Variants in NWD2 observed in about 807,000 individuals in gnomAD.
NWD2 encodes NACHT and WD repeat domain containing 2.
Under a neutral mutation model 132.7 loss-of-function variants are expected in NWD2, and 37 were observed. That is an observed-to-expected ratio of 0.28 (90% confidence interval 0.21 to 0.37). NWD2 has a LOEUF of 0.37. NWD2 is among the 10% of genes least tolerant of loss of function. The pLI is 1.00. For synonymous variants in NWD2, 705 were observed against 803.0 expected (o/e 0.88, Z 2.06); for missense variants, 1,592 against 2,122.4 (o/e 0.75, Z 4.91).
At chr4:37,434,080 C>T (rs1042242686) in intron 5 of NWD2, 60 bp downstream of exon 5, 8 of 1,144,966 alleles carry the variant, frequency 7.0e-6, no homozygotes, top group East Asian at 5.3e-5. Flanking sequence ...ACATCTACTG[C>T]TTCCCTTTAA....
At chr4:37,421,797 G>T (rs1486579164) in intron 3 of NWD2, among the ~76,000 whole-genome samples, 3 of 152,142 alleles carry the variant, frequency 2.0e-5, no homozygotes, top group Non-Finnish European at 4.4e-5. Flanking sequence ...GTATTAGTCA[G>T]TTCAGGCCAC....
chr4:37,249,777 A>G (rs1432018836), intron 1 of NWD2, among the ~76,000 whole-genome samples: 1 of 152,192 alleles, frequency 6.6e-6, no homozygotes, highest in Admixed American at 6.5e-5. Flanking sequence ...TCTTGTCCAC[A>G]GTGTTGATCA....
At chr4:37,255,318 G>A (rs1224141904) in intron 1 of NWD2, among the ~76,000 whole-genome samples, 25 of 152,204 alleles carry the variant, frequency 1.6e-4, no homozygotes. Flanking sequence ...AAAAGGGAAA[G>A]ACTGAGAAGG....
chr4:37,435,591 T>C (rs1291819397), intron 5 of NWD2, among the ~76,000 whole-genome samples: 1 of 152,150 alleles, frequency 6.6e-6, no homozygotes, highest in Non-Finnish European at 1.5e-5. Context: ...AAAAAGTACC[T>C]GGAGTGAAGC....
chr4:37,339,560 T>A (rs997020504), intron 2 of NWD2, among the ~76,000 whole-genome samples: 3 of 152,210 alleles, frequency 2.0e-5, no homozygotes, highest in Non-Finnish European at 2.9e-5. Flanking sequence ...AGAGGATTGA[T>A]CTTGCAATAA....
chr4:37,360,469 C>T (rs1390447694), intron 3 of NWD2, among the ~76,000 whole-genome samples: 1 of 152,068 alleles, frequency 6.6e-6, no homozygotes, highest in African/African-American at 2.4e-5. Flanking sequence ...GCATATGGTA[C>T]ATATATATTT....
At chr4:37,335,039 C>T (rs1273514641) in intron 2 of NWD2, among the ~76,000 whole-genome samples, 1 of 151,998 alleles carries the variant, frequency 6.6e-6, no homozygotes, top group Non-Finnish European at 1.5e-5. Flanking sequence ...TCTACTTTAC[C>T]CAGCTGGTTC....
rs376170691 is a variant in NWD2 at position 37,323,273 on chromosome 4, A to G, written c.152-2663A>G. ...ACAGAGTAAACAGACAACCTACCGA[A>G]TGGAAGAAAATATTCACAAACTATG... On this transcript the variant is annotated intron_variant, in intron 1 of 6. Coordinates refer to ENST00000309447, the MANE Select transcript of NWD2 (RefSeq NM_001144990.2). Among the ~76,000 whole-genome samples, 288 of 152,338 alleles carry G rather than the reference A, an allele frequency of 1.9e-3. 1 individual carries two copies. Among genetic ancestry groups the G allele is most frequent in the African/African-American group, 6.5e-3 (271 of 41,580 alleles).
intron 3 of NWD2, among the ~76,000 whole-genome samples, chr4:37,389,931 C>CA (rs1215182145): frequency 1.3e-5 from 2 of 152,142 alleles, no homozygotes; most frequent in Non-Finnish European, 2.9e-5. Flanking sequence ...CAGTCCCCAC[C>CA]ACCATGCCTG....
In NWD2 at chr4:37,447,418, A is replaced by G; in HGVS notation, c.*201A>G. The G allele has an allele frequency of 3.4e-6, 2 of 581,070 alleles. No homozygotes were observed. Among genetic ancestry groups the G allele is most frequent in the South Asian group, 4.5e-5 (2 of 44,814 alleles). 36.0% of individuals were successfully genotyped at this position (581,070 alleles called of 1,614,324 possible). On this transcript the variant is annotated 3_prime_UTR_variant, in exon 7 of 7. Transcript: ENST00000309447. ...GTCAAAGTGTATCCAGAATGTCAGA[A>G]TTTCTAGTAGTAATATTTAAATGGT...
At chr4:37,401,950 C>G (rs1018199507) in intron 3 of NWD2, among the ~76,000 whole-genome samples, 13 of 152,182 alleles carry the variant, frequency 8.5e-5, no homozygotes, top group Admixed American at 7.9e-4. Context: ...CAAATTCATG[C>G]TGAAATTCAA....
chr4:37,331,594 G>T (rs997443723), intron 2 of NWD2, among the ~76,000 whole-genome samples: 1 of 152,106 alleles, frequency 6.6e-6, no homozygotes, highest in Admixed American at 6.5e-5. Flanking sequence ...ATCATCCTGT[G>T]TAAATGTCAT....
At chr4:37,335,702 A>AG in intron 2 of NWD2, among the ~76,000 whole-genome samples, 1 of 151,730 alleles carries the variant, frequency 6.6e-6, no homozygotes, top group East Asian at 1.9e-4. Context: ...CGAGGGATCT[A>AG]GGTTGTGGAC....
intron 2 of NWD2, among the ~76,000 whole-genome samples, chr4:37,348,675 T>TATATACACACACACACACAC (rs1308407988): frequency 1.8e-4 from 4 of 22,572 alleles, no homozygotes; most frequent in Admixed American, 1.6e-3. Context: ...TATATATATA[T>TATATACACACACACACACAC]ACACACACAC....
chr4:37,285,542 G>A (rs1258090138), intron 1 of NWD2, among the ~76,000 whole-genome samples: 1 of 152,018 alleles, frequency 6.6e-6, no homozygotes, highest in African/African-American at 2.4e-5. Context: ...AAAAATGATT[G>A]GGGATTGTTC....
At chr4:37,326,712 TTTTCAG>T (rs1406161375) in intron 2 of NWD2, among the ~76,000 whole-genome samples, 1 of 152,198 alleles carries the variant, frequency 6.6e-6, no homozygotes, top group Admixed American at 6.5e-5. Context: ...TAGTCAGAAT[TTTTCAG>T]CCTCATTGGC....
chr4:37,248,206 G>C (rs548603678), intron 1 of NWD2, among the ~76,000 whole-genome samples: 2 of 152,266 alleles, frequency 1.3e-5, no homozygotes, highest in African/African-American at 4.8e-5. Flanking sequence ...AGACAATACA[G>C]ATAGGGGGAT....
At chr4:37,294,956 G>A (rs543704166) in intron 1 of NWD2, among the ~76,000 whole-genome samples, 1 of 152,298 alleles carries the variant, frequency 6.6e-6, no homozygotes, top group East Asian at 1.9e-4. Flanking sequence ...TGGAATAGTG[G>A]GCTAGAGGGA....
intron 3 of NWD2, among the ~76,000 whole-genome samples, chr4:37,421,791 TAGTC>T (rs777484703): frequency 7.2e-5 from 11 of 152,342 alleles, no homozygotes; most frequent in Non-Finnish European, 1.6e-4. Context: ...ATGCTTGTAT[TAGTC>T]AGTTCAGGCC....
Sources: allele counts gnomAD v4.1 joint callset (sites outside exome capture counted in the v4.1 genomes callset), GRCh38; gene constraint gnomAD v4.1.1; transcripts MANE v1.5; gene names NCBI Gene and HGNC (gene_info 2026-07-23, HGNC 2026-07-21).